NALF1: variants seen among roughly 807,000 people sequenced by gnomAD.
NALF1 encodes family with sequence similarity 155 member A.
Under a neutral mutation model 48.4 loss-of-function variants are expected in NALF1, and 3 were observed. The ratio of observed to expected loss-of-function variants is 0.06; its 90% confidence interval spans 0.03 to 0.16. The LOEUF is 0.16. Among genes scored for constraint, NALF1 ranks in the 10% least tolerant of loss-of-function variants. NALF1 has a pLI of 1.00. For synonymous variants in NALF1, 262 were observed against 245.7 expected, an observed-to-expected ratio of 1.07 and a Z score of -0.62; for missense variants, 526 against 571.5, an observed-to-expected ratio of 0.92 and a Z score of 0.81.
chr13:107,489,101 A>G (rs955896654), intron 1 of NALF1, among the ~76,000 whole-genome samples: 4 of 152,156 alleles, frequency 2.6e-5, no homozygotes, highest in African/African-American at 9.6e-5. Context: ...AACTACAAAC[A>G]ACTGCTCAAA....
intron 1 of NALF1, among the ~76,000 whole-genome samples, chr13:107,438,638 C>A: frequency 6.6e-6 from 1 of 151,400 alleles, no homozygotes. Flanking sequence ...TCCATCTCTA[C>A]TAAAAACAAA....
chr13:107,522,244 C>T (rs140695625), intron 1 of NALF1, among the ~76,000 whole-genome samples: 10 of 152,178 alleles, frequency 6.6e-5, no homozygotes, highest in African/African-American at 1.4e-4. Context: ...TCTCGTATTT[C>T]GTATCCTCTC....
At chr13:107,602,711 A>G (rs1878962737) in intron 1 of NALF1, among the ~76,000 whole-genome samples, 1 of 152,204 alleles carries the variant, frequency 6.6e-6, no homozygotes. Flanking sequence ...AATTCATTAA[A>G]TTATTCCTTC....
chr13:107,600,133 G>C (rs1037092018), intron 1 of NALF1, among the ~76,000 whole-genome samples: 4 of 152,100 alleles, frequency 2.6e-5, no homozygotes, highest in Non-Finnish European at 5.9e-5. Context: ...AGGAAATATT[G>C]TAGGTAAGAA....
chr13:107,813,348 A>C (rs546106026), intron 1 of NALF1, among the ~76,000 whole-genome samples: 1 of 152,290 alleles, frequency 6.6e-6, no homozygotes, highest in African/African-American at 2.4e-5. Context: ...ACAAGCTTAA[A>C]ACGTAAAGAA....
At chr13:107,452,927 G>A (rs1343503241) in intron 1 of NALF1, among the ~76,000 whole-genome samples, 6 of 152,126 alleles carry the variant, frequency 3.9e-5, no homozygotes, top group African/African-American at 1.4e-4. Context: ...AATCCAATAG[G>A]GCAGTAATGA....
At chr13:107,473,039 T>A (rs1481057260) in intron 1 of NALF1, among the ~76,000 whole-genome samples, 1 of 152,210 alleles carries the variant, frequency 6.6e-6, no homozygotes, top group African/African-American at 2.4e-5. Context: ...AATGCCTTCA[T>A]CCTTTCCTCT....
At chr13:107,679,994 C>T (rs1228484378) in intron 1 of NALF1, among the ~76,000 whole-genome samples, 2 of 152,160 alleles carry the variant, frequency 1.3e-5, no homozygotes, top group Non-Finnish European at 2.9e-5. Context: ...CCTCGACATC[C>T]CCAGGACATC....
intron 1 of NALF1, among the ~76,000 whole-genome samples, chr13:107,677,576 T>A (rs1881163862): frequency 6.6e-6 from 1 of 152,176 alleles, no homozygotes. Flanking sequence ...GAGAATAAAA[T>A]ATGTCATGGT....
At position 107,706,983 on chromosome 13, in the gene NALF1, C is replaced by T. The variant is rs1257982555; in HGVS notation, c.915+158699G>A. Among the ~76,000 whole-genome samples the T allele has an allele frequency of 8.7e-5, 10 of 115,260 alleles. No individual in the cohort carries two copies. The East Asian group carries it at 1.4e-3, about 16-fold the overall frequency. 75.6% of individuals were successfully genotyped at this position (115,260 alleles called of 152,430 possible). On this transcript the variant is annotated intron_variant, in intron 1 of 2. Transcript: ENST00000375915. The stretch of plus-strand genomic sequence containing the variant: ...TGTCGCCCAGGCTGGAGTGCAGTGG[C>T]GTGATCTCGGCTCACTGCAAGCTCC...
chr13:107,288,525 A>AT lies in NALF1; in HGVS notation c.916-77771_916-77770insA, dbSNP rs1881549179. ...GTGAGCCACCGCGCCCAGCCTGAAA[A>AT]CTTTTTTTTTTTTTTTTGAGATGGT... On this transcript the variant is annotated intron_variant, in intron 1 of 2. Coordinates refer to ENST00000375915, the MANE Select transcript of NALF1 (RefSeq NM_001080396.3). 4.1e-5 allele frequency among the ~76,000 whole-genome samples: 5 copies of AT among 122,336 alleles called. No individual in the cohort carries two copies. In the South Asian group the frequency reaches 1.7e-3, roughly 41 times the overall value. The allele number at this position is 122,336 out of a possible 152,430, so 80.3% of individuals were successfully genotyped here.
chr13:107,371,935 G>A (rs1170475514), intron 1 of NALF1, among the ~76,000 whole-genome samples: 1 of 152,116 alleles, frequency 6.6e-6, no homozygotes, highest in East Asian at 1.9e-4. Context: ...CCCCATCCCA[G>A]AATCGTATAT....
intron 1 of NALF1, among the ~76,000 whole-genome samples, chr13:107,542,027 T>G (rs186704010): frequency 6.6e-6 from 1 of 152,118 alleles, no homozygotes; most frequent in East Asian, 1.9e-4. Context: ...GCCTGGATGG[T>G]CCCTGAAGGC....
Position 107,283,657 on chromosome 13 carries a change from T to TTTATTTAC in NALF1, c.916-72903_916-72902insGTAAATAA, listed in dbSNP as rs1213321450. ...ATTTATTTATTTATTTATTTATTTA[T>TTTATTTAC]TTACTATTTTTGTTGTTGTTGAGAC... is the stretch of plus-strand genomic sequence containing the variant. On this transcript the variant is annotated intron_variant, in intron 1 of 2. Transcript: ENST00000375915. 2.3e-5 allele frequency among the ~76,000 whole-genome samples: 3 copies of TTTATTTAC among 128,684 alleles called. No homozygotes were observed. In the East Asian group the frequency reaches 6.3e-4, roughly 27 times the overall value. The allele number at this position is 128,684 out of a possible 152,430, so 84.4% of individuals were successfully genotyped here.
At chr13:107,281,735 G>T (rs886815627) in intron 1 of NALF1, among the ~76,000 whole-genome samples, 7 of 152,170 alleles carry the variant, frequency 4.6e-5, no homozygotes, top group Non-Finnish European at 1.0e-4. Context: ...TCACAGTTCA[G>T]CATGGCTGTG....
chr13:107,680,073 G>T (rs1046878592), intron 1 of NALF1, among the ~76,000 whole-genome samples: 2 of 152,160 alleles, frequency 1.3e-5, no homozygotes, highest in Non-Finnish European at 2.9e-5. Context: ...CAGAGTCCCT[G>T]CCTGAGTGCC....
intron 1 of NALF1, among the ~76,000 whole-genome samples, chr13:107,252,352 G>C (rs1880719859): frequency 6.6e-6 from 1 of 151,926 alleles, no homozygotes; most frequent in Admixed American, 6.6e-5. Flanking sequence ...ACAGGTGGTG[G>C]GAAACAGGAG....
At chr13:107,275,323 A>G (rs886833977) in intron 1 of NALF1, among the ~76,000 whole-genome samples, 2 of 152,066 alleles carry the variant, frequency 1.3e-5, no homozygotes, top group Admixed American at 6.6e-5. Context: ...TTTAAATGCA[A>G]ATTATGTATC....
At chr13:107,705,091 T>C (rs763051986) in intron 1 of NALF1, among the ~76,000 whole-genome samples, 3 of 152,210 alleles carry the variant, frequency 2.0e-5, no homozygotes, top group Non-Finnish European at 2.9e-5. Context: ...GTACATATAT[T>C]ACTCCCTTTG....
Sources: allele counts gnomAD v4.1 joint callset (sites outside exome capture counted in the v4.1 genomes callset), GRCh38; gene constraint gnomAD v4.1.1; transcripts MANE v1.5; gene names NCBI Gene and HGNC (gene_info 2026-07-23, HGNC 2026-07-21).